FMN1: variants seen among roughly 807,000 people sequenced by gnomAD.
FMN1 encodes the protein formin-1.
Under a neutral mutation model 132.4 loss-of-function variants are expected in FMN1, and 110 were observed. The observed-to-expected ratio is 0.83, with a 90% CI of 0.71 to 0.97. The LOEUF is 0.97. Among genes scored for constraint, FMN1 ranks in the 50% least tolerant of loss-of-function variants. FMN1 has a pLI of 0.00. For synonymous variants in FMN1, 722 were observed against 651.7 expected (o/e 1.11, Z -1.64); for missense variants, 1,792 against 1,705.3 (o/e 1.05, Z -0.90).
intron 17 of FMN1, among the ~76,000 whole-genome samples, chr15:32,804,910 T>C (rs560490748): frequency 4.6e-5 from 7 of 152,316 alleles, no homozygotes; most frequent in Admixed American, 6.5e-5. Context: ...CAGTCTCTCA[T>C]TGATGGACAT....
chr15:33,171,006 A>C (rs1965299816), intron 3 of FMN1, among the ~76,000 whole-genome samples: 1 of 152,218 alleles, frequency 6.6e-6, no homozygotes, highest in African/African-American at 2.4e-5. Context: ...TGAGTGGATA[A>C]AGAAAATGTG....
chr15:32,910,679 C>T (rs758604490), intron 10 of FMN1, 144 bp from the exon 11 acceptor site: 11 of 660,606 alleles, frequency 1.7e-5, no homozygotes, highest in Admixed American at 1.0e-4. Flanking sequence ...CCCTTCCTTT[C>T]GCACCAGGGG....
intron 6 of FMN1, among the ~76,000 whole-genome samples, chr15:33,051,072 T>C (rs1393669076): frequency 1.3e-5 from 2 of 152,212 alleles, no homozygotes; most frequent in Admixed American, 1.3e-4. Flanking sequence ...AAGTAACTGT[T>C]CACAAGGACC....
intron 16 of FMN1, among the ~76,000 whole-genome samples, chr15:32,861,938 G>A (rs1438082297): frequency 6.6e-6 from 1 of 152,154 alleles, no homozygotes; most frequent in Non-Finnish European, 1.5e-5. Flanking sequence ...CCACTGCTGT[G>A]CTCCAAGGCC....
intron 4 of FMN1, among the ~76,000 whole-genome samples, chr15:33,102,178 C>CTTCAGA (rs1181575100): frequency 1.3e-5 from 2 of 152,090 alleles, no homozygotes; most frequent in Admixed American, 1.3e-4. Context: ...AAAGCTGAGT[C>CTTCAGA]TTCAGAGGTT....
intron 9 of FMN1, among the ~76,000 whole-genome samples, chr15:32,950,060 T>TATATATACACATATATATATACAC (rs1567449875): frequency 1.2e-5 from 1 of 80,662 alleles, no homozygotes; most frequent in Non-Finnish European, 2.3e-5. Context: ...TACACATATA[T>TATATATACACATATATATATACAC]ATATATATAT....
chr15:33,104,655 C>T lies in FMN1; in HGVS notation c.1868-15681G>A, dbSNP rs1335399963. Among the ~76,000 whole-genome samples the T allele has an allele frequency of 3.9e-5, 6 of 152,074 alleles. No homozygotes were observed. The East Asian group carries it at 1.2e-3, about 29-fold the overall frequency. On this transcript the variant is annotated intron_variant, in intron 4 of 20. Transcript: ENST00000616417. Reference sequence around the variant, plus strand: ...GGAAGCTAGTAATACGTATGTATTCCTGAAGCAATGTTTTCCACCTAATGT... The same window carrying T: ...GGAAGCTAGTAATACGTATGTATTCTTGAAGCAATGTTTTCCACCTAATGT...
intron 17 of FMN1, among the ~76,000 whole-genome samples, chr15:32,821,094 T>C (rs2058201442): frequency 8.6e-6 from 1 of 115,902 alleles, no homozygotes; most frequent in Non-Finnish European, 1.9e-5. Flanking sequence ...ACTGTTCAAA[T>C]GTCACAGATT....
intron 6 of FMN1, among the ~76,000 whole-genome samples, chr15:33,062,262 T>C (rs1015872353): frequency 6.6e-6 from 1 of 152,198 alleles, no homozygotes; most frequent in Non-Finnish European, 1.5e-5. Flanking sequence ...AGACTTACAG[T>C]AGTTATTTAT....
At chr15:33,057,829 T>C (rs138883815) in intron 6 of FMN1, among the ~76,000 whole-genome samples, 2,383 of 152,326 alleles carry the variant, frequency 0.016, 52 homozygotes, top group South Asian at 0.09. Context: ...TAATTTGTTC[T>C]ACAAAAGAAG....
intron 6 of FMN1, among the ~76,000 whole-genome samples, chr15:33,031,760 T>G (rs555671427): frequency 1.3e-5 from 2 of 152,334 alleles, no homozygotes; most frequent in South Asian, 4.1e-4. Context: ...AATTCACATA[T>G]TCCCACTGAC....
At chr15:33,085,756 G>GA in intron 5 of FMN1, among the ~76,000 whole-genome samples, 1 of 152,074 alleles carries the variant, frequency 6.6e-6, no homozygotes, top group East Asian at 1.9e-4. Flanking sequence ...AAGGGTATAG[G>GA]AAAAATTGTA....
At chr15:32,965,889 C>G (rs1481867152) in intron 8 of FMN1, among the ~76,000 whole-genome samples, 2 of 152,150 alleles carry the variant, frequency 1.3e-5, no homozygotes, top group African/African-American at 4.8e-5. Context: ...TGTATGTGTT[C>G]CTCTCTCAGC....
chr15:32,947,177 A>G (rs2061527964), intron 9 of FMN1, among the ~76,000 whole-genome samples: 1 of 152,072 alleles, frequency 6.6e-6, no homozygotes, highest in Admixed American at 6.5e-5. Flanking sequence ...TCATTGTTAC[A>G]TCTGGCATTG....
intron 5 of FMN1, among the ~76,000 whole-genome samples, chr15:33,087,836 T>C (rs1233881719): frequency 4.6e-5 from 7 of 152,026 alleles, no homozygotes; most frequent in Non-Finnish European, 8.8e-5. Flanking sequence ...TATATACATA[T>C]ACATACACAC....
At chr15:32,978,628 T>C (rs1428966959) in intron 7 of FMN1, among the ~76,000 whole-genome samples, 2 of 152,228 alleles carry the variant, frequency 1.3e-5, no homozygotes, top group African/African-American at 4.8e-5. Context: ...GCATTACACA[T>C]TCTAGAGTAT....
chr15:32,927,897 C>T (rs1334702832), intron 9 of FMN1, among the ~76,000 whole-genome samples: 1 of 152,212 alleles, frequency 6.6e-6, no homozygotes, highest in African/African-American at 2.4e-5. Context: ...TAGGTACTTA[C>T]AGAATTGCCA....
intron 2 of FMN1, among the ~76,000 whole-genome samples, chr15:33,191,309 T>C (rs896315824): frequency 1.1e-4 from 17 of 152,192 alleles, no homozygotes; most frequent in Admixed American, 8.5e-4. Flanking sequence ...AAGGAAGAGA[T>C]AGGCATAGTT....
chr15:32,901,824 T>A (rs2060303839), intron 13 of FMN1, 87 bp downstream of exon 13: 1 of 1,119,618 alleles, frequency 8.9e-7, no homozygotes, highest in East Asian at 2.6e-5. Context: ...CCAAAAAGGT[T>A]TCTATAATGG....
Sources: gnomAD v4.1 joint callset for allele counts (sites outside exome capture counted in the v4.1 genomes callset) on GRCh38, gnomAD v4.1.1 for gene constraint, MANE v1.5 for transcripts, NCBI Gene and HGNC (gene_info 2026-07-23, HGNC 2026-07-21) for gene names.